Variants in AVL9 observed in about 807,000 individuals in gnomAD.
AVL9 encodes the protein AVL9 cell migration associated.
AVL9 carries 49 observed loss-of-function variants against 79.2 expected under a neutral mutation model. The ratio of observed to expected loss-of-function variants is 0.62; its 90% CI spans 0.49 to 0.79. The LOEUF (loss-of-function observed/expected upper bound fraction) is 0.79. Ranked by LOEUF, AVL9 falls within the 30% of genes least tolerant of loss-of-function variation. AVL9 has a pLI of 0.00. For missense variants in AVL9, 682 were observed against 776.8 expected, an observed-to-expected ratio of 0.88 and a Z score of 1.45; for synonymous variants, 299 against 280.6, an observed-to-expected ratio of 1.07 and a Z score of -0.65.
Position 32,570,056 on chromosome 7 carries a change from C to T in AVL9, c.1252C>T (p.His418Tyr), listed in dbSNP as rs1183223555. Residue 418 changes from histidine (H) to tyrosine (Y), a missense_variant, in exon 11 of 16, where the codon CAT (histidine) becomes TAT (tyrosine). His to Tyr is a moderately conservative substitution (Grantham distance 83). Transcript: ENST00000318709. ...TTTGCCTTACATGGCATTGCAGCAGCATCATCTTCTCTCCGATGTCACCGT... is the reference window on the plus strand; with the variant it reads ...TTTGCCTTACATGGCATTGCAGCAGTATCATCTTCTCTCCGATGTCACCGT... ...LCLPYMALQQ[H>Y]HLLSDVTVRG... The T allele has an allele frequency of 1.2e-6, 2 of 1,614,170 alleles. No homozygotes were observed. The highest frequency in any genetic ancestry group is 2.2e-5 in the East Asian group (1 of 44,882).
Position 32,575,967 on chromosome 7 carries a change from T to C in AVL9, c.1583T>C (p.Ile528Thr). ...ATTTACTTGACAGACAATGAAAAGA[T>C]ATTATCGGACTATGGGACAACTTTT... ...AATLQLDNEK[I>T]LSDYGTTFVT... Residue 528 changes from isoleucine (I) to threonine (T), a missense_variant, in exon 13 of 16, where the codon ATA (isoleucine) becomes ACA (threonine). Transcript: ENST00000318709. 6.2e-7 allele frequency: 1 copy of C among 1,609,306 alleles called. No homozygotes were observed. The highest frequency in any genetic ancestry group is 8.5e-7 in the Non-Finnish European group (1 of 1,175,644).
chr7:32,575,299 A>G (rs770319149), intron 12 of AVL9, among the ~76,000 whole-genome samples: 3 of 152,088 alleles, frequency 2.0e-5, no homozygotes, highest in Non-Finnish European at 2.9e-5. Flanking sequence ...GGGTTTTGCC[A>G]TGTCGGCCAG....
intron 1 of AVL9, among the ~76,000 whole-genome samples, chr7:32,502,125 A>T (rs1280752456): frequency 6.6e-6 from 1 of 151,968 alleles, no homozygotes; most frequent in Non-Finnish European, 1.5e-5. Context: ...GCACTTTGGG[A>T]GGCCAAGATG....
Position 32,584,481 on chromosome 7 carries a change from G to T in AVL9, c.*574G>T. The T allele has an allele frequency of 6.5e-6, 1 of 154,490 alleles. No homozygotes were observed. Among genetic ancestry groups the T allele is most frequent in the Admixed American group, 6.3e-5 (1 of 15,774 alleles). 9.6% of individuals were successfully genotyped at this position (154,490 alleles called of 1,614,324 possible). A position where few individuals can be genotyped will look rare whatever the true frequency, so the allele number is the denominator to read the frequency against. On this transcript the variant is annotated 3_prime_UTR_variant, in exon 16 of 16. Transcript: ENST00000318709. ...TTAGAGGTGGTAGTTCTGAGGATTGGGTGTTTTGTTTTACGTTTTTAGTTT... is the reference window on the plus strand; with the variant it reads ...TTAGAGGTGGTAGTTCTGAGGATTGTGTGTTTTGTTTTACGTTTTTAGTTT...
chr7:32,557,203 T>A (rs1200118011), intron 8 of AVL9, among the ~76,000 whole-genome samples: 4 of 152,052 alleles, frequency 2.6e-5, no homozygotes, highest in Non-Finnish European at 4.4e-5. Context: ...GTTTTCTTTT[T>A]TTATTATTAT....
rs1046188390 is a variant in AVL9, at chr7:32,584,348, A to C, written c.*441A>C. On this transcript the variant is annotated 3_prime_UTR_variant, in exon 16 of 16. Transcript: ENST00000318709. ...GCCTTAAAACGTGCTTATAAAGTGA[A>C]GGGGTCATACAGTTGGGCCTTCATT... The C allele has an allele frequency of 5.7e-5, 10 of 174,896 alleles. No individual in the cohort carries two copies. The highest frequency in any genetic ancestry group is 2.1e-4 in the African/African-American group (9 of 41,952). The allele number at this position is 174,896 out of a possible 1,614,324, so 10.8% of individuals were successfully genotyped here.
At chr7:32,580,128 A>C (rs1293427233) in intron 13 of AVL9, 91 bp from the exon 14 acceptor site, 1 of 1,024,604 alleles carries the variant, frequency 9.8e-7, no homozygotes, top group African/African-American at 1.6e-5. Flanking sequence ...TGTGTTGTCC[A>C]TGAGAAGTTT....
intron 11 of AVL9, 80 bp from the exon 12 acceptor site, chr7:32,573,119 C>A: frequency 9.2e-7 from 1 of 1,088,550 alleles, no homozygotes; most frequent in Non-Finnish European, 1.4e-6. Context: ...GCTCCACCTT[C>A]CCCGTAGTTA....
chr7:32,551,502 G>T, intron 5 of AVL9, 79 bp downstream of exon 5: 1 of 680,038 alleles, frequency 1.5e-6, no homozygotes, highest in Non-Finnish European at 2.4e-6. Flanking sequence ...GTAATACTGT[G>T]AAGGATAATT....
intron 10 of AVL9, among the ~76,000 whole-genome samples, chr7:32,565,569 AAAAG>A (rs1461677832): frequency 3.3e-5 from 5 of 151,592 alleles, no homozygotes; most frequent in South Asian, 2.1e-4. Context: ...CAAAAAAAAA[AAAAG>A]AAAGAAAGAA....
intron 10 of AVL9, 126 bp downstream of exon 10, chr7:32,559,590 A>AC: frequency 1.3e-6 from 1 of 783,390 alleles, no homozygotes; most frequent in Non-Finnish European, 1.8e-6. Context: ...ACTGTAAAGT[A>AC]CAACCAAATA....
At chr7:32,545,027 CTA>C (rs1376221627) in intron 3 of AVL9, among the ~76,000 whole-genome samples, 1 of 152,124 alleles carries the variant, frequency 6.6e-6, no homozygotes, top group Admixed American at 6.5e-5. Context: ...CATAAATTAT[CTA>C]TTTGTCTTTT....
At chr7:32,541,269 G>C (rs1161298064) in intron 1 of AVL9, among the ~76,000 whole-genome samples, 1 of 151,912 alleles carries the variant, frequency 6.6e-6, no homozygotes, top group African/African-American at 2.4e-5. Flanking sequence ...ATTTCATGAT[G>C]CATCATGAGA....
chr7:32,549,145 TAAAC>T (rs1428257683), intron 4 of AVL9, among the ~76,000 whole-genome samples: 10 of 151,002 alleles, frequency 6.6e-5, no homozygotes, highest in African/African-American at 2.2e-4. Flanking sequence ...AGTTGACACA[TAAAC>T]AAAATGAGGT....
chr7:32,543,381 AT>A, intron 2 of AVL9, 120 bp downstream of exon 2: 1 of 1,232,910 alleles, frequency 8.1e-7, no homozygotes, highest in Non-Finnish European at 1.1e-6. Flanking sequence ...TTTATAAAAT[AT>A]TTACATGCTT....
At chr7:32,580,322 C>T (rs1420187253) in intron 14 of AVL9, 50 bp downstream of exon 14, 1 of 1,420,482 alleles carries the variant, frequency 7.0e-7, no homozygotes, top group Non-Finnish European at 9.8e-7. Flanking sequence ...TGAATTTATG[C>T]CATGTGTTTC....
intron 5 of AVL9, among the ~76,000 whole-genome samples, chr7:32,551,944 C>T (rs1467427498): frequency 6.6e-6 from 1 of 152,204 alleles, no homozygotes; most frequent in East Asian, 1.9e-4. Flanking sequence ...ACTAGGAATT[C>T]ATACCACTAT....
intron 1 of AVL9, among the ~76,000 whole-genome samples, chr7:32,503,369 TATATAC>T (rs1381533867): frequency 1.2e-4 from 12 of 101,334 alleles, no homozygotes; most frequent in South Asian, 7.7e-4. Context: ...GAGATATATA[TATATAC>T]ACACACACAC....
chr7:32,520,453 T>C (rs1788090871), intron 1 of AVL9, among the ~76,000 whole-genome samples: 1 of 152,170 alleles, frequency 6.6e-6, no homozygotes, highest in Admixed American at 6.5e-5. Flanking sequence ...TCCAAAGGCA[T>C]AGGAGGTTAT....
Sources: gnomAD v4.1 joint callset for allele counts (sites outside exome capture counted in the v4.1 genomes callset) on GRCh38, gnomAD v4.1.1 for gene constraint, MANE v1.5 for transcripts, NCBI Gene and HGNC (gene_info 2026-07-23, HGNC 2026-07-21) for gene names.